Variants in ZNF503 observed in about 807,000 individuals in gnomAD.
ZNF503 encodes zinc finger protein 503.
In ZNF503, 15 loss-of-function variants were observed where a neutral mutation model predicts 34.4. That is an observed-to-expected ratio of 0.44 (90% CI 0.29 to 0.67). The LOEUF (loss-of-function observed/expected upper bound fraction) is 0.67. Among genes scored for constraint, ZNF503 ranks in the 30% least tolerant of loss-of-function variants. ZNF503 has a pLI of 0.13. For synonymous variants in ZNF503, 580 were observed against 456.8 expected (o/e 1.27, Z -3.44); for missense variants, 1,007 against 926.8 (o/e 1.09, Z -1.12).
downstream of ZNF503, among the ~76,000 whole-genome samples, chr10:75,396,450 G>A (rs374313751): frequency 6.6e-6 from 1 of 152,100 alleles, no homozygotes; most frequent in East Asian, 2.0e-4. The surrounding 1 kb of genome is among the most constrained non-coding windows in gnomAD (Gnocchi z 4.4). Context: ...GGGTGGCTTT[G>A]CGTGCAACCC....
chr10:75,331,620 A>C, the ZNF503 span, among the ~76,000 whole-genome samples: 1 of 152,072 alleles, frequency 6.6e-6, no homozygotes, highest in South Asian at 2.1e-4. Context: ...GGCTCAAAAA[A>C]ATTTGTTTTT....
chr10:75,299,602 G>A, the ZNF503 span, among the ~76,000 whole-genome samples: 7 of 152,128 alleles, frequency 4.6e-5, no homozygotes, highest in East Asian at 1.2e-3. Context: ...CCAGATATCG[G>A]GCAAAATTCA....
At chr10:75,333,661 G>A in the ZNF503 span, among the ~76,000 whole-genome samples, 2 of 32,248 alleles carry the variant, frequency 6.2e-5, no homozygotes, top group Admixed American at 2.4e-4. Flanking sequence ...CCTCCGGGAC[G>A]GCACGGCTGG....
At chr10:75,304,710 C>T in the ZNF503 span, among the ~76,000 whole-genome samples, 1 of 151,938 alleles carries the variant, frequency 6.6e-6, no homozygotes, top group South Asian at 2.1e-4. Context: ...TTTTAGAAAG[C>T]CTCAATAAAG....
At chr10:75,330,600 T>A in the ZNF503 span, among the ~76,000 whole-genome samples, 1 of 152,190 alleles carries the variant, frequency 6.6e-6, no homozygotes, top group Non-Finnish European at 1.5e-5. Flanking sequence ...GTCCAGGAAT[T>A]TATCTGCTTC....
chr10:75,358,695 C>G, the ZNF503 span: 1 of 152,258 alleles, frequency 6.6e-6, no homozygotes, highest in African/African-American at 2.4e-5. Context: ...GAGGTTAATC[C>G]TGCTCCTCTC....
chr10:75,398,712 T>A lies in ZNF503; in HGVS notation c.*37A>T. On this transcript the variant is annotated 3_prime_UTR_variant, in exon 2 of 2. Coordinates refer to ENST00000372524, the MANE Select transcript of ZNF503 (RefSeq NM_032772.6). ...TCTCCCTGGACTCCTCCCCTCCCCC[T>A]CTCCCTCCTCTCCCTCGCTCGCCCT... The A allele has an allele frequency of 1.5e-6, 2 of 1,348,744 alleles. No individual in the cohort carries two copies. The highest frequency in any genetic ancestry group is 1.9e-6 in the Non-Finnish European group (2 of 1,055,086). 83.5% of individuals were successfully genotyped at this position (1,348,744 alleles called of 1,614,324 possible). A position where few individuals can be genotyped will look rare whatever the true frequency, so the allele number is the denominator to read the frequency against.
At chr10:75,396,567 C>A (rs887740323), downstream of ZNF503, among the ~76,000 whole-genome samples, 2 of 152,196 alleles carry the variant, frequency 1.3e-5, no homozygotes, top group African/African-American at 4.8e-5. This position sits in a 1 kb window ranked among gnomAD's most constrained non-coding sequence, Gnocchi z 4.4. Context: ...CTGTCGGACG[C>A]AGGCGAGAGG....
At chr10:75,328,251 ATTTAT>A in the ZNF503 span, among the ~76,000 whole-genome samples, 5 of 151,930 alleles carry the variant, frequency 3.3e-5, no homozygotes, top group East Asian at 9.6e-4. Context: ...TAAGTCTTTA[ATTTAT>A]TTTAATTTTT....
the ZNF503 span, among the ~76,000 whole-genome samples, chr10:75,292,059 G>A: frequency 1.3e-5 from 2 of 152,208 alleles, no homozygotes; most frequent in African/African-American, 4.8e-5. Context: ...TTTGGCCCTG[G>A]CCTGGAAATA....
At chr10:75,301,104 ATTTTTG>A in the ZNF503 span, among the ~76,000 whole-genome samples, 75 of 151,998 alleles carry the variant, frequency 4.9e-4, no homozygotes, top group African/African-American at 1.7e-3. Flanking sequence ...ATCTCTTCCT[ATTTTTG>A]TGTCTCTTGT....
the ZNF503 span, among the ~76,000 whole-genome samples, chr10:75,327,950 AATT>A: frequency 0.23 from 34,249 of 151,724 alleles, 4,360 homozygotes; most frequent in African/African-American, 0.34. Flanking sequence ...AAATAATAAT[AATT>A]ATTATTATTT....
chr10:75,350,843 C>T, the ZNF503 span, among the ~76,000 whole-genome samples: 5 of 152,124 alleles, frequency 3.3e-5, no homozygotes, highest in East Asian at 3.9e-4. Flanking sequence ...CATGAGCCAC[C>T]GCGTCCAGCC....
chr10:75,303,435 A>T, the ZNF503 span, among the ~76,000 whole-genome samples: 1 of 152,140 alleles, frequency 6.6e-6, no homozygotes, highest in East Asian at 1.9e-4. Context: ...TTCAGGGAGG[A>T]TTGGGATAGT....
the ZNF503 span, among the ~76,000 whole-genome samples, chr10:75,327,546 T>C: frequency 6.6e-6 from 1 of 152,240 alleles, no homozygotes; most frequent in Non-Finnish European, 1.5e-5. Context: ...TTGTGAATGG[T>C]ACTGCAATAA....
chr10:75,289,153 A>G, the ZNF503 span, among the ~76,000 whole-genome samples: 346 of 152,264 alleles, frequency 2.3e-3, 2 homozygotes, highest in African/African-American at 8.0e-3. Flanking sequence ...CCAAGGTGAG[A>G]AGGAGTGGGA....
At chr10:75,294,916 G>A in the ZNF503 span, among the ~76,000 whole-genome samples, 2 of 152,236 alleles carry the variant, frequency 1.3e-5, no homozygotes, top group African/African-American at 4.8e-5. Flanking sequence ...AATGTTTAAT[G>A]TTCTCATTAT....
the ZNF503 span, among the ~76,000 whole-genome samples, chr10:75,316,295 A>G: frequency 2.0e-5 from 3 of 151,950 alleles, no homozygotes; most frequent in Non-Finnish European, 4.4e-5. Context: ...CACATGGAGC[A>G]TTCTCCAGGA....
chr10:75,314,950 G>A, the ZNF503 span, among the ~76,000 whole-genome samples: 454 of 152,220 alleles, frequency 3.0e-3, 13 homozygotes, highest in Admixed American at 0.029. Flanking sequence ...AAACATGAAA[G>A]TATAAAACTC....
Sources: gnomAD v4.1 joint callset for allele counts (sites outside exome capture counted in the v4.1 genomes callset) on GRCh38, gnomAD v4.1.1 for gene constraint, Gnocchi (gnomAD v3.1) non-coding constraint, MANE v1.5 for transcripts, NCBI Gene and HGNC (gene_info 2026-07-23, HGNC 2026-07-21) for gene names.